TBCD: variants seen among roughly 807,000 people sequenced by gnomAD.
TBCD encodes tubulin folding cofactor D, also known as tubulin-specific chaperone D.
A neutral mutation model predicts 169.3 loss-of-function variants in TBCD; 105 were observed. The observed-to-expected ratio is 0.62, with a 90% CI of 0.53 to 0.73. The LOEUF is 0.73. Ranked by LOEUF, TBCD falls within the 30% of genes least tolerant of loss-of-function variation. The pLI is 0.00. For missense variants in TBCD, 1,444 were observed against 1,600.1 expected (o/e 0.90, Z 1.66); for synonymous variants, 700 against 643.9 (o/e 1.09, Z -1.32).
In TBCD at chr17:82,944,189, A is replaced by G. The variant is rs984657395; in HGVS notation, c.*1726A>G. 3.9e-5 allele frequency: 6 copies of G among 152,194 alleles called. No homozygotes were observed. Among genetic ancestry groups the G allele is most frequent in the African/African-American group, 1.2e-4 (5 of 41,466 alleles). 9.4% of individuals were successfully genotyped at this position (152,194 alleles called of 1,614,324 possible). ...CCCACCCAGACCCATCAGTGACACTATGTGGCAAAGCAGTTCTTCTTTTAA... is the reference window on the plus strand; with the variant it reads ...CCCACCCAGACCCATCAGTGACACTGTGTGGCAAAGCAGTTCTTCTTTTAA... On this transcript the variant is annotated 3_prime_UTR_variant, in exon 39 of 39. Coordinates refer to ENST00000355528, the MANE Select transcript of TBCD (RefSeq NM_005993.5).
rs796107981 is a variant in TBCD, at chr17:82,915,865, G to A, written c.2038+4076G>A. ...TGACTTAGCAAGCCGGGGACACGCT[G>A]TTAATGGACTTCCTGCTGTGGGGGT... On this transcript the variant is annotated intron_variant, in intron 23 of 38. Coordinates refer to ENST00000355528, the MANE Select transcript of TBCD (RefSeq NM_005993.5). This position sits in a 1 kb window ranked among gnomAD's most constrained non-coding sequence, Gnocchi z 4.3. Among the ~76,000 whole-genome samples, 4 of 152,298 alleles carry A rather than the reference G, an allele frequency of 2.6e-5. No homozygotes were observed. The highest frequency in any genetic ancestry group is 4.8e-5 in the African/African-American group (2 of 41,572).
At chr17:82,850,342 G>GCTGTTGTTGACTGTC (rs2055655767) in intron 13 of TBCD, among the ~76,000 whole-genome samples, 2 of 101,098 alleles carry the variant, frequency 2.0e-5, no homozygotes, top group Admixed American at 2.1e-4. Flanking sequence ...TGTTGGCTGT[G>GCTGTTGTTGACTGTC]CTGTTGTTGG....
At chr17:82,897,769 C>T (rs576489153) in intron 17 of TBCD, among the ~76,000 whole-genome samples, 2 of 152,342 alleles carry the variant, frequency 1.3e-5, no homozygotes, top group African/African-American at 2.4e-5. Context: ...CTTCCTTCAT[C>T]TGCTGCCTGC....
intron 13 of TBCD, among the ~76,000 whole-genome samples, chr17:82,850,146 T>TTTTGC (rs2055606642): frequency 4.3e-5 from 1 of 23,400 alleles, no homozygotes; most frequent in Non-Finnish European, 8.9e-5. Context: ...GGCTGTGCTG[T>TTTTGC]TGTTGGCTGT....
At chr17:82,861,750 T>G (rs1195908599) in intron 13 of TBCD, among the ~76,000 whole-genome samples, 1 of 151,882 alleles carries the variant, frequency 6.6e-6, no homozygotes, top group Non-Finnish European at 1.5e-5. Context: ...TTCTAGGGAG[T>G]GAGTCGGTGG....
At position 82,915,204 on chromosome 17, in the gene TBCD, C is replaced by A. The variant is rs1054968080; in HGVS notation, c.2038+3415C>A. On this transcript the variant is annotated intron_variant, in intron 23 of 38. Transcript: ENST00000355528. The surrounding 1 kb of genome is among the most constrained non-coding windows in gnomAD (Gnocchi z 4.3). Reference sequence around the variant, plus strand: ...ATGGCGCCCTTACCCCCGAGGACGCCGGCATGTCGGTGACATGCCGCCCGC... The same window carrying A: ...ATGGCGCCCTTACCCCCGAGGACGCAGGCATGTCGGTGACATGCCGCCCGC... 6.6e-6 allele frequency among the ~76,000 whole-genome samples: 1 copy of A among 152,090 alleles called. No individual in the cohort carries two copies. Among genetic ancestry groups the A allele is most frequent in the Non-Finnish European group, 1.5e-5 (1 of 68,012 alleles).
chr17:82,844,367 C>T (rs1037450892), intron 13 of TBCD, among the ~76,000 whole-genome samples: 15 of 152,120 alleles, frequency 9.9e-5, no homozygotes. Flanking sequence ...GCCCTCCCTG[C>T]ATCGTCAGTG....
chr17:82,912,048 G>A (rs1044237305), intron 23 of TBCD, among the ~76,000 whole-genome samples: 1 of 152,226 alleles, frequency 6.6e-6, no homozygotes, highest in African/African-American at 2.4e-5. Context: ...CACTGGTTCT[G>A]GAAATTTCTC....
chr17:82,801,494 C>T (rs189492978), intron 9 of TBCD, among the ~76,000 whole-genome samples: 13 of 132,618 alleles, frequency 9.8e-5, no homozygotes, highest in East Asian at 2.3e-4. Flanking sequence ...TCGTGTGGCT[C>T]GGAGTCAGCG....
At chr17:82,836,156 C>T (rs958901378) in intron 13 of TBCD, among the ~76,000 whole-genome samples, 1 of 152,236 alleles carries the variant, frequency 6.6e-6, no homozygotes, top group African/African-American at 2.4e-5. Flanking sequence ...CAGACCTGCT[C>T]TGGGTGATGA....
At position 82,831,492 on chromosome 17, in the gene TBCD, A is replaced by C; in HGVS notation, c.1318+16558A>C. 1 of 1,614,198 alleles carries C rather than the reference A, an allele frequency of 6.2e-7. No homozygotes were observed. The highest frequency in any genetic ancestry group is 8.5e-7 in the Non-Finnish European group (1 of 1,180,040). On this transcript the variant is annotated intron_variant, in intron 13 of 38. Transcript: ENST00000355528. This position sits in a 1 kb window ranked among gnomAD's most constrained non-coding sequence, Gnocchi z 4.6. ...AGGAAAATGCAGACTCTGGCCTGTA[A>C]AATCCGTAAGGAATCGGCAGGTTAG...
chr17:82,797,965 T>C (rs2050227095), intron 8 of TBCD, among the ~76,000 whole-genome samples, 163 bp downstream of exon 8: 1 of 21,814 alleles, frequency 4.6e-5, no homozygotes, highest in Non-Finnish European at 7.4e-5. Context: ...AACTGAACTT[T>C]TTTTTTTTTT....
At chr17:82,852,014 C>G (rs1259365933) in intron 13 of TBCD, among the ~76,000 whole-genome samples, 1 of 152,198 alleles carries the variant, frequency 6.6e-6, no homozygotes, top group African/African-American at 2.4e-5. Context: ...AATTCACATG[C>G]CATTCAGTTC....
At chr17:82,869,516 T>A (rs72634343) in intron 13 of TBCD, among the ~76,000 whole-genome samples, 1 of 152,004 alleles carries the variant, frequency 6.6e-6, no homozygotes, top group Non-Finnish European at 1.5e-5. Flanking sequence ...CCAGACCCTG[T>A]CTCAAAAAAA....
intron 13 of TBCD, among the ~76,000 whole-genome samples, chr17:82,869,830 C>T (rs1373404611): frequency 6.6e-6 from 1 of 152,038 alleles, no homozygotes; most frequent in African/African-American, 2.4e-5. Flanking sequence ...TCTCCCTCCC[C>T]TGAACCAGGG....
Position 82,939,340 on chromosome 17 carries a change from G to A in TBCD, c.3370-27G>A, listed in dbSNP as rs773877941. ...GGGTGGGGCGGTGGCGCTTCCCTCC[G>A]GCAAATGCACTGCATCCCTGTCCCA... On this transcript the variant is annotated intron_variant, in intron 36 of 38. Transcript: ENST00000355528. 20 of 1,588,468 alleles carry A rather than the reference G, an allele frequency of 1.3e-5. No homozygotes were observed. In the Middle Eastern group the frequency reaches 6.6e-4, roughly 53 times the overall value.
chr17:82,777,860 C>A lies in TBCD; in HGVS notation c.639-3729C>A, dbSNP rs982008185. ...ACTCCCCCGGGGAAAGGGAGACTCT[C>A]TTTCCCGGTCCGCTAAGTAGCGGGT... On this transcript the variant is annotated intron_variant, in intron 6 of 38. Coordinates refer to ENST00000355528, the MANE Select transcript of TBCD (RefSeq NM_005993.5). Among the ~76,000 whole-genome samples, 48 of 143,630 alleles carry A rather than the reference C, an allele frequency of 3.3e-4. 1 individual carries two copies. The highest frequency in any genetic ancestry group is 2.9e-3 in the Admixed American group (41 of 14,198). The allele number at this position is 143,630 out of a possible 152,430, so 94.2% of individuals were successfully genotyped here.
At chr17:82,762,789 G>A (rs1034853852) in intron 2 of TBCD, among the ~76,000 whole-genome samples, 1 of 151,896 alleles carries the variant, frequency 6.6e-6, no homozygotes, top group Non-Finnish European at 1.5e-5. Context: ...CTGCCATACT[G>A]ATGCCATGAA....
At chr17:82,885,162 G>T (rs569247814) in intron 15 of TBCD, among the ~76,000 whole-genome samples, 2 of 151,730 alleles carry the variant, frequency 1.3e-5, no homozygotes, top group African/African-American at 4.9e-5. Context: ...GGACTGGTGA[G>T]GGTTTCCTGT....
Sources: allele counts gnomAD v4.1 joint callset (sites outside exome capture counted in the v4.1 genomes callset), GRCh38; gene constraint gnomAD v4.1.1; non-coding constraint Gnocchi (gnomAD v3.1); transcripts MANE v1.5; gene names NCBI Gene and HGNC (gene_info 2026-07-23, HGNC 2026-07-21).